GRIN2B: variants seen among roughly 807,000 people sequenced by gnomAD.
The protein encoded by GRIN2B is glutamate receptor ionotropic, NMDA 2B.
Under a neutral mutation model 114.5 loss-of-function variants are expected in GRIN2B, and 5 were observed. The ratio of observed to expected loss-of-function variants is 0.04; its 90% CI spans 0.02 to 0.09. The LOEUF (loss-of-function observed/expected upper bound fraction) is 0.09, where lower values mean the gene tolerates loss of function less well. Among genes scored for constraint, GRIN2B ranks in the 10% least tolerant of loss-of-function variants. The pLI is 1.00. For synonymous variants in GRIN2B, 787 were observed against 745.1 expected, an observed-to-expected ratio of 1.06 and a Z score of -0.92; for missense variants, 1,108 against 1,943.5, an observed-to-expected ratio of 0.57 and a Z score of 8.08.
At chr12:13,707,634 A>T (rs577069204) in intron 4 of GRIN2B, among the ~76,000 whole-genome samples, 3 of 152,132 alleles carry the variant, frequency 2.0e-5, no homozygotes, top group Non-Finnish European at 4.4e-5. Flanking sequence ...GATCTCTTGC[A>T]CCAGTGAACA....
At chr12:13,958,426 T>A (rs142579876) in intron 2 of GRIN2B, among the ~76,000 whole-genome samples, 1 of 152,188 alleles carries the variant, frequency 6.6e-6, no homozygotes, top group Non-Finnish European at 1.5e-5. Context: ...AACATCATCA[T>A]CTATCTCATT....
At chr12:13,947,910 G>T (rs1033227600) in intron 2 of GRIN2B, among the ~76,000 whole-genome samples, 1 of 152,102 alleles carries the variant, frequency 6.6e-6, no homozygotes, top group Non-Finnish European at 1.5e-5. Flanking sequence ...TTACTGTCCT[G>T]TCCCAGAACC....
rs542058089 is a variant in GRIN2B at position 13,681,120 on chromosome 12, C to G, written c.1011-5261G>C. ...CTTGAGTGGGAGGCACTCGAAGGAG[C>G]TCTACCAGAATTTTCCCAGCCAACC... On this transcript the variant is annotated intron_variant, in intron 4 of 13. Coordinates refer to ENST00000609686, the MANE Select transcript of GRIN2B (RefSeq NM_000834.5). 3.9e-5 allele frequency among the ~76,000 whole-genome samples: 6 copies of G among 152,270 alleles called. No individual in the cohort carries two copies. The East Asian group carries it at 1.2e-3, about 29-fold the overall frequency.
intron 10 of GRIN2B, among the ~76,000 whole-genome samples, chr12:13,589,774 T>G (rs1948980780): frequency 6.6e-6 from 1 of 152,040 alleles, no homozygotes; most frequent in African/African-American, 2.4e-5. Flanking sequence ...AAACCCTATG[T>G]GGTATAGAGG....
intron 2 of GRIN2B, among the ~76,000 whole-genome samples, chr12:13,907,805 T>C (rs1866568541): frequency 1.3e-5 from 2 of 152,044 alleles, no homozygotes; most frequent in Non-Finnish European, 2.9e-5. Flanking sequence ...AAAAAGTATA[T>C]GAACAAGAGC....
chr12:13,568,276 T>C (rs1948666562), intron 12 of GRIN2B, among the ~76,000 whole-genome samples: 1 of 152,152 alleles, frequency 6.6e-6, no homozygotes, highest in South Asian at 2.1e-4. Context: ...CTAGAATGCA[T>C]CTAATTCTAG....
chr12:13,671,473 G>C (rs1950021646), intron 5 of GRIN2B, among the ~76,000 whole-genome samples: 1 of 152,138 alleles, frequency 6.6e-6, no homozygotes, highest in African/African-American at 2.4e-5. Flanking sequence ...GAACCTAAAG[G>C]AACATTGGGA....
intron 3 of GRIN2B, among the ~76,000 whole-genome samples, chr12:13,812,153 T>G (rs1282420634): frequency 2.6e-5 from 4 of 152,032 alleles, no homozygotes; most frequent in Non-Finnish European, 5.9e-5. Flanking sequence ...CCAACCTCCA[T>G]AAAAATCGAT....
intron 2 of GRIN2B, among the ~76,000 whole-genome samples, chr12:13,963,882 C>T (rs1429991375): frequency 6.6e-6 from 1 of 152,162 alleles, no homozygotes; most frequent in East Asian, 1.9e-4. Context: ...CACTGCTTGG[C>T]ACCCAGGACA....
intron 3 of GRIN2B, among the ~76,000 whole-genome samples, chr12:13,829,097 C>A (rs1048923304): frequency 3.9e-5 from 6 of 152,160 alleles, no homozygotes; most frequent in African/African-American, 1.4e-4. Context: ...ACATAGGGGG[C>A]ATCCTCTTGT....
At chr12:13,898,695 T>C (rs1866394779) in intron 2 of GRIN2B, among the ~76,000 whole-genome samples, 1 of 152,230 alleles carries the variant, frequency 6.6e-6, no homozygotes, top group South Asian at 2.1e-4. Flanking sequence ...GTGTATCACC[T>C]GAGGTCAGGA....
intron 5 of GRIN2B, among the ~76,000 whole-genome samples, chr12:13,635,541 A>T (rs11836818): frequency 0.019 from 2,874 of 152,284 alleles, 97 homozygotes; most frequent in African/African-American, 0.065. Context: ...ATTGGAATCA[A>T]CAGACACCCA....
At chr12:13,715,571 G>C (rs1407515985) in intron 4 of GRIN2B, among the ~76,000 whole-genome samples, 3 of 151,832 alleles carry the variant, frequency 2.0e-5, no homozygotes, top group Admixed American at 6.6e-5. Flanking sequence ...ATACAAAAGA[G>C]TGGGTAAGTG....
rs1361881220 is a variant in GRIN2B, at chr12:13,551,374, C to A, written c.*11409G>T. 2 of 152,090 alleles carry A rather than the reference C, an allele frequency of 1.3e-5. No individual in the cohort carries two copies. Among genetic ancestry groups the A allele is most frequent in the Non-Finnish European group, 2.9e-5 (2 of 68,014 alleles). 9.4% of individuals were successfully genotyped at this position (152,090 alleles called of 1,614,324 possible). ...GCTTCTCCATCCTCTTAGTACCAGT[C>A]CATCAACAGGACCTTAGAAGGCCAC... On this transcript the variant is annotated 3_prime_UTR_variant, in exon 14 of 14. Coordinates refer to ENST00000609686, the MANE Select transcript of GRIN2B (RefSeq NM_000834.5).
intron 2 of GRIN2B, among the ~76,000 whole-genome samples, chr12:13,900,492 A>T (rs1866428498): frequency 6.6e-6 from 1 of 152,136 alleles, no homozygotes; most frequent in Middle Eastern, 3.4e-3. Flanking sequence ...AAAAAAAGTT[A>T]ATAAAACATT....
intron 2 of GRIN2B, among the ~76,000 whole-genome samples, chr12:13,921,273 C>T (rs1179361171): frequency 6.6e-6 from 1 of 152,050 alleles, no homozygotes; most frequent in African/African-American, 2.4e-5. Flanking sequence ...TGGTGCAGAC[C>T]TGTAGTCCCA....
rs77221441 is a variant in GRIN2B, at chr12:13,934,661, G to A, written c.-19+45267C>T. Among the ~76,000 whole-genome samples the A allele has an allele frequency of 4.7e-4, 71 of 151,648 alleles. 1 individual carries two copies. Among genetic ancestry groups the A allele is most frequent in the Non-Finnish European group, 8.7e-4 (59 of 68,030 alleles). On this transcript the variant is annotated intron_variant, in intron 2 of 13. Transcript: ENST00000609686. ...ATCACAGACAGATGCCCATAACAGG[G>A]CATCTGGCCATCACGTACAACTTCA... is the stretch of plus-strand genomic sequence containing the variant.
At chr12:13,684,260 C>G (rs1264024789) in intron 4 of GRIN2B, among the ~76,000 whole-genome samples, 3 of 152,112 alleles carry the variant, frequency 2.0e-5, no homozygotes, top group African/African-American at 7.2e-5. Context: ...AAATGATCCC[C>G]CTTCTGACCT....
At chr12:13,852,281 G>A (rs983765261) in intron 3 of GRIN2B, among the ~76,000 whole-genome samples, 1 of 152,180 alleles carries the variant, frequency 6.6e-6, no homozygotes, top group African/African-American at 2.4e-5. Flanking sequence ...TGGGAAGGGA[G>A]GAAATGATAT....
Sources: allele counts gnomAD v4.1 joint callset (sites outside exome capture counted in the v4.1 genomes callset), GRCh38; gene constraint gnomAD v4.1.1; transcripts MANE v1.5; gene names NCBI Gene and HGNC (gene_info 2026-07-23, HGNC 2026-07-21).